Variants in KCNT2 observed in about 807,000 individuals in gnomAD.
KCNT2 encodes potassium sodium-activated channel subfamily T member 2.
Under a neutral mutation model 153.8 loss-of-function variants are expected in KCNT2, and 67 were observed. The ratio of observed to expected loss-of-function variants is 0.44; its 90% CI spans 0.36 to 0.53. The LOEUF (loss-of-function observed/expected upper bound fraction) is 0.53, where lower values mean the gene tolerates loss of function less well. Ranked by LOEUF, KCNT2 falls within the 20% of genes least tolerant of loss-of-function variation. The probability of loss-of-function intolerance (pLI) is 0.00; values close to 1 mark genes in which losing one functional copy is unlikely to be tolerated. For synonymous variants in KCNT2, 500 were observed against 458.8 expected (o/e 1.09, Z -1.15); for missense variants, 975 against 1,354.8 (o/e 0.72, Z 4.40).
chr1:196,318,509 T>A (rs1047242982), intron 20 of KCNT2, among the ~76,000 whole-genome samples: 2 of 151,812 alleles, frequency 1.3e-5, no homozygotes, highest in African/African-American at 4.8e-5. Context: ...ATTCTTTAGC[T>A]TTTAGATATA....
chr1:196,407,580 T>C (rs570412825), intron 12 of KCNT2, among the ~76,000 whole-genome samples: 1 of 151,642 alleles, frequency 6.6e-6, no homozygotes, highest in South Asian at 2.1e-4. Context: ...CAGATTATTA[T>C]GTGCTTGTTT....
At chr1:196,471,041 C>T (rs918551457) in intron 5 of KCNT2, among the ~76,000 whole-genome samples, 12 of 151,486 alleles carry the variant, frequency 7.9e-5, no homozygotes, top group Non-Finnish European at 1.2e-4. Context: ...CCACCACGCC[C>T]GGCTAATCTT....
chr1:196,510,057 C>G (rs1538688), intron 1 of KCNT2, among the ~76,000 whole-genome samples: 147,010 of 152,182 alleles, frequency 0.97, 71,207 homozygotes, highest in Middle Eastern at 1. Context: ...TAAGCAACAG[C>G]AAGAATAAAG....
At position 196,243,346 on chromosome 1, in the gene KCNT2, T is replaced by C. The variant is rs1464932726; in HGVS notation, c.3212-7276A>G. On this transcript the variant is annotated intron_variant, in intron 26 of 27. Coordinates refer to ENST00000294725, the MANE Select transcript of KCNT2 (RefSeq NM_198503.5). ...CTGCAAGAACACCAAATTGAACAAC[T>C]ATCCACACAAAAAAAAACACCTTCA... Among the ~76,000 whole-genome samples, 39 of 152,000 alleles carry C rather than the reference T, an allele frequency of 2.6e-4. 1 individual carries two copies. The highest frequency in any genetic ancestry group is 2.4e-3 in the Admixed American group (37 of 15,258).
intron 13 of KCNT2, among the ~76,000 whole-genome samples, chr1:196,375,529 T>C (rs1240399962): frequency 6.6e-6 from 1 of 151,834 alleles, no homozygotes; most frequent in Non-Finnish European, 1.5e-5. Flanking sequence ...TAGCACCTTG[T>C]CATTGGTAAA....
chr1:196,480,197 T>C (rs1370187439), intron 4 of KCNT2, among the ~76,000 whole-genome samples: 1 of 152,144 alleles, frequency 6.6e-6, no homozygotes, highest in African/African-American at 2.4e-5. Context: ...TAAGCAAATA[T>C]AAACAAAAAG....
chr1:196,251,383 T>G (rs771449895), intron 26 of KCNT2, among the ~76,000 whole-genome samples: 6 of 152,054 alleles, frequency 3.9e-5, no homozygotes, highest in Non-Finnish European at 7.4e-5. Flanking sequence ...TGTTTAGCAG[T>G]GTGTTTTTTG....
At chr1:196,333,296 T>C (rs755769717) in intron 17 of KCNT2, among the ~76,000 whole-genome samples, 1 of 152,038 alleles carries the variant, frequency 6.6e-6, no homozygotes, top group Non-Finnish European at 1.5e-5. Flanking sequence ...TGATTAATAC[T>C]ATATAGATTG....
intron 18 of KCNT2, among the ~76,000 whole-genome samples, chr1:196,329,663 T>C (rs1319226635): frequency 6.6e-6 from 1 of 150,852 alleles, no homozygotes; most frequent in African/African-American, 2.4e-5. Flanking sequence ...AAGGAGTCAA[T>C]GTGGGGGAAG....
At chr1:196,329,282 A>G (rs1214074248) in intron 18 of KCNT2, among the ~76,000 whole-genome samples, 1 of 152,144 alleles carries the variant, frequency 6.6e-6, no homozygotes, top group Admixed American at 6.6e-5. Flanking sequence ...ACCACCTTCT[A>G]TCAGTCTAAT....
chr1:196,339,524 G>GAGAT lies in KCNT2; in HGVS notation c.1783+816_1783+817insATCT, dbSNP rs1160810524. Among the ~76,000 whole-genome samples, 419 of 124,694 alleles carry GAGAT rather than the reference G, an allele frequency of 3.4e-3. 1 individual carries two copies. The highest frequency in any genetic ancestry group is 0.011 in the African/African-American group (398 of 36,494). 81.8% of individuals were successfully genotyped at this position (124,694 alleles called of 152,430 possible). ...ATGAAGAGACACACACACACACAGA[G>GAGAT]AGAGAGAGAGAGAGAGAGAGAGAGA... On this transcript the variant is annotated intron_variant, in intron 16 of 27. Transcript: ENST00000294725.
chr1:196,362,127 G>C (rs890970422), intron 14 of KCNT2, among the ~76,000 whole-genome samples: 6 of 151,970 alleles, frequency 3.9e-5, no homozygotes, highest in Non-Finnish European at 8.8e-5. Context: ...TTGTTTGTTT[G>C]TTCTTGCTTT....
At chr1:196,524,858 A>T (rs939603398) in intron 1 of KCNT2, among the ~76,000 whole-genome samples, 6 of 152,152 alleles carry the variant, frequency 3.9e-5, no homozygotes, top group Non-Finnish European at 8.8e-5. Flanking sequence ...TGTTCCATAA[A>T]CTGTCTTCTA....
intron 26 of KCNT2, among the ~76,000 whole-genome samples, chr1:196,250,468 A>G (rs935768698): frequency 1.6e-4 from 25 of 152,216 alleles, no homozygotes; most frequent in African/African-American, 5.5e-4. Flanking sequence ...CTCACCATTT[A>G]CAAAAATAAA....
At chr1:196,386,547 T>G (rs1670003232) in intron 13 of KCNT2, among the ~76,000 whole-genome samples, 1 of 152,164 alleles carries the variant, frequency 6.6e-6, no homozygotes, top group South Asian at 2.1e-4. Flanking sequence ...GGGCAAAAGT[T>G]AATATTGCCC....
chr1:196,553,287 A>C (rs566200926), intron 1 of KCNT2, among the ~76,000 whole-genome samples: 1 of 151,372 alleles, frequency 6.6e-6, no homozygotes, highest in South Asian at 2.1e-4. Context: ...CAAGACAAAA[A>C]CTATAAGAGA....
At chr1:196,389,856 A>T (rs1558232137) in intron 13 of KCNT2, among the ~76,000 whole-genome samples, 1 of 151,774 alleles carries the variant, frequency 6.6e-6, no homozygotes, top group East Asian at 1.9e-4. Context: ...CAAACTATGT[A>T]TCTCATAAGA....
intron 1 of KCNT2, among the ~76,000 whole-genome samples, chr1:196,528,645 A>T (rs1020275252): frequency 6.6e-6 from 1 of 152,148 alleles, no homozygotes; most frequent in African/African-American, 2.4e-5. Context: ...TCGTAAAAAA[A>T]CAGAATCATT....
At chr1:196,233,206 A>ATT (rs988298752) in intron 27 of KCNT2, among the ~76,000 whole-genome samples, 1 of 151,418 alleles carries the variant, frequency 6.6e-6, no homozygotes, top group African/African-American at 2.4e-5. Flanking sequence ...ATCAGATACA[A>ATT]TTTTTGACAG....
Sources: gnomAD v4.1 joint callset for allele counts (sites outside exome capture counted in the v4.1 genomes callset) on GRCh38, gnomAD v4.1.1 for gene constraint, MANE v1.5 for transcripts, NCBI Gene and HGNC (gene_info 2026-07-23, HGNC 2026-07-21) for gene names.